Variants in ZNF407 observed in about 807,000 individuals in gnomAD.
The protein encoded by ZNF407 is zinc finger protein 407.
ZNF407 carries 17 observed loss-of-function variants against 131.2 expected under a neutral mutation model. That is an observed-to-expected ratio of 0.13 (90% CI 0.09 to 0.19). The LOEUF (loss-of-function observed/expected upper bound fraction) is 0.19. Among genes scored for constraint, ZNF407 ranks in the 10% least tolerant of loss-of-function variants. The pLI is 1.00. For synonymous variants in ZNF407, 1,156 were observed against 1,062.0 expected (o/e 1.09, Z -1.72); for missense variants, 2,681 against 2,830.6 (o/e 0.95, Z 1.20).
intron 3 of ZNF407, among the ~76,000 whole-genome samples, chr18:74,757,644 G>T (rs544558673): frequency 3.3e-5 from 5 of 152,130 alleles, no homozygotes; most frequent in East Asian, 3.9e-4. Flanking sequence ...TTCTATAGAT[G>T]CCTTTTATTT....
chr18:74,827,954 G>C (rs1249863959), intron 4 of ZNF407, among the ~76,000 whole-genome samples: 1 of 152,222 alleles, frequency 6.6e-6, no homozygotes, highest in East Asian at 1.9e-4. Flanking sequence ...TTACATTATA[G>C]TTAATATTTG....
intron 3 of ZNF407, among the ~76,000 whole-genome samples, chr18:74,662,843 A>C (rs1317439199): frequency 6.6e-6 from 1 of 152,230 alleles, no homozygotes; most frequent in Non-Finnish European, 1.5e-5. Flanking sequence ...AATAGAGATG[A>C]GAACTGTCTG....
intron 6 of ZNF407, among the ~76,000 whole-genome samples, chr18:74,887,260 A>G (rs756865320): frequency 1.3e-5 from 2 of 152,144 alleles, no homozygotes; most frequent in Admixed American, 6.5e-5. Context: ...TCATTTCAGT[A>G]CAGTTGAGTT....
At chr18:74,833,369 T>C (rs752683647) in intron 4 of ZNF407, among the ~76,000 whole-genome samples, 3 of 152,174 alleles carry the variant, frequency 2.0e-5, no homozygotes, top group Non-Finnish European at 4.4e-5. Context: ...ATTGAAGAGG[T>C]AATTTCACTT....
intron 3 of ZNF407, among the ~76,000 whole-genome samples, chr18:74,762,794 C>T (rs1422724648): frequency 1.3e-5 from 2 of 151,570 alleles, no homozygotes; most frequent in African/African-American, 4.8e-5. Flanking sequence ...CTCATTATTG[C>T]TGAGCAGAAT....
At chr18:74,847,864 A>C (rs578150338) in intron 4 of ZNF407, among the ~76,000 whole-genome samples, 4 of 152,116 alleles carry the variant, frequency 2.6e-5, no homozygotes, top group Non-Finnish European at 5.9e-5. Context: ...AAAAAAAAAA[A>C]ACACGCTACC....
In ZNF407 at chr18:75,006,498, G is replaced by A. The variant is rs181701360; in HGVS notation, c.5429-56652G>A. On this transcript the variant is annotated intron_variant, in intron 8 of 8. Coordinates refer to ENST00000299687, the MANE Select transcript of ZNF407 (RefSeq NM_017757.3). The stretch of plus-strand genomic sequence containing the variant: ...TGTAATCCTTTATCTAAATACATTT[G>A]ATTTCTTCTTCAGTCTCAAGATATT... 2.6e-5 allele frequency among the ~76,000 whole-genome samples: 4 copies of A among 152,142 alleles called. No individual in the cohort carries two copies. The South Asian group carries it at 6.2e-4, about 24-fold the overall frequency.
At chr18:74,884,589 C>A (rs1464624922) in intron 6 of ZNF407, among the ~76,000 whole-genome samples, 1 of 151,972 alleles carries the variant, frequency 6.6e-6, no homozygotes, top group Non-Finnish European at 1.5e-5. Flanking sequence ...TAATATTACA[C>A]AATGTAATCT....
At chr18:74,834,392 C>T (rs771528359) in intron 4 of ZNF407, among the ~76,000 whole-genome samples, 18 of 152,132 alleles carry the variant, frequency 1.2e-4, no homozygotes, top group South Asian at 2.1e-4. Flanking sequence ...ATCTCTAATT[C>T]GTCTTTTATT....
At chr18:74,892,320 G>T (rs554946587) in intron 7 of ZNF407, among the ~76,000 whole-genome samples, 1 of 152,126 alleles carries the variant, frequency 6.6e-6, no homozygotes, top group Non-Finnish European at 1.5e-5. Context: ...GTGGGACCGC[G>T]GTCAAACTAT....
Position 75,002,531 on chromosome 18 carries a change from G to A in ZNF407, c.5429-60619G>A, listed in dbSNP as rs531957372. ...TTAGAAAGAGGTCAGGGCCGGGCGC[G>A]GTGGCTGACGCCTGTAATCCCAGCA... On this transcript the variant is annotated intron_variant, in intron 8 of 8. Coordinates refer to ENST00000299687, the MANE Select transcript of ZNF407 (RefSeq NM_017757.3). Among the ~76,000 whole-genome samples the A allele has an allele frequency of 5.3e-5, 8 of 152,250 alleles. No individual in the cohort carries two copies. The South Asian group carries it at 8.3e-4, about 16-fold the overall frequency.
chr18:74,936,702 G>A (rs1165507094), intron 8 of ZNF407, among the ~76,000 whole-genome samples: 1 of 152,170 alleles, frequency 6.6e-6, no homozygotes, highest in African/African-American at 2.4e-5. Context: ...AGACAGTTGG[G>A]ATACAGTTAA....
intron 8 of ZNF407, among the ~76,000 whole-genome samples, chr18:75,039,718 C>CTT (rs36086764): frequency 0.13 from 14,553 of 111,792 alleles, 1,548 homozygotes; most frequent in South Asian, 0.2. Flanking sequence ...AGGGGCCAAG[C>CTT]TTTTTTTTTT....
intron 8 of ZNF407, among the ~76,000 whole-genome samples, chr18:74,997,740 C>T (rs1430974446): frequency 6.6e-6 from 1 of 152,108 alleles, no homozygotes; most frequent in Non-Finnish European, 1.5e-5. Flanking sequence ...GCATTTGTTT[C>T]ATGGTGAAAA....
intron 8 of ZNF407, among the ~76,000 whole-genome samples, chr18:74,973,478 C>T (rs1252585523): frequency 6.6e-6 from 1 of 152,066 alleles, no homozygotes; most frequent in Non-Finnish European, 1.5e-5. Flanking sequence ...GGCCAACACG[C>T]GTTTCCAGAA....
intron 4 of ZNF407, among the ~76,000 whole-genome samples, chr18:74,799,169 T>G (rs1568220935): frequency 6.6e-6 from 1 of 152,174 alleles, no homozygotes; most frequent in African/African-American, 2.4e-5. Flanking sequence ...TCAAAGAAAT[T>G]ACTTAGCAAT....
intron 1 of ZNF407, among the ~76,000 whole-genome samples, chr18:74,618,674 T>C (rs1207863119): frequency 6.6e-6 from 1 of 152,162 alleles, no homozygotes; most frequent in Non-Finnish European, 1.5e-5. Flanking sequence ...CAGTCACCTC[T>C]TCCCCGCAAA....
intron 3 of ZNF407, among the ~76,000 whole-genome samples, chr18:74,767,288 A>G (rs1490700313): frequency 6.6e-6 from 1 of 152,186 alleles, no homozygotes; most frequent in Non-Finnish European, 1.5e-5. Context: ...ACAAATTGTT[A>G]TAGGAAAGTA....
At chr18:74,700,206 G>T (rs950729365) in intron 3 of ZNF407, among the ~76,000 whole-genome samples, 1 of 152,084 alleles carries the variant, frequency 6.6e-6, no homozygotes, top group Non-Finnish European at 1.5e-5. Flanking sequence ...TCAAATTATC[G>T]CAGAGGGAGG....
Sources: gnomAD v4.1 joint callset for allele counts (sites outside exome capture counted in the v4.1 genomes callset) on GRCh38, gnomAD v4.1.1 for gene constraint, MANE v1.5 for transcripts, NCBI Gene and HGNC (gene_info 2026-07-23, HGNC 2026-07-21) for gene names.